CADM2: variants seen among roughly 807,000 people sequenced by gnomAD.
The protein encoded by CADM2 is immunoglobulin superfamily member 4D.
A neutral mutation model predicts 49.8 loss-of-function variants in CADM2; 12 were observed. That is an observed-to-expected ratio of 0.24 (90% CI 0.15 to 0.39). The LOEUF (loss-of-function observed/expected upper bound fraction) is 0.39. Among genes scored for constraint, CADM2 ranks in the 10% least tolerant of loss-of-function variants. The probability of loss-of-function intolerance (pLI) is 1.00; values close to 1 mark genes in which losing one functional copy is unlikely to be tolerated. For synonymous variants in CADM2, 214 were observed against 175.4 expected (o/e 1.22, Z -1.74); for missense variants, 378 against 492.3 (o/e 0.77, Z 2.20).
intron 1 of CADM2, among the ~76,000 whole-genome samples, chr3:85,354,960 AC>A (rs1307331208): frequency 6.6e-6 from 1 of 152,016 alleles, no homozygotes. Flanking sequence ...CTTCACGGAA[AC>A]CCATGTCCAA....
intron 1 of CADM2, among the ~76,000 whole-genome samples, chr3:85,303,073 C>G (rs2044137807): frequency 6.6e-6 from 1 of 151,856 alleles, no homozygotes; most frequent in African/African-American, 2.4e-5. Flanking sequence ...GTCTCTTATT[C>G]ATTTATGTTT....
intron 6 of CADM2, among the ~76,000 whole-genome samples, chr3:85,915,809 C>T (rs1718219713): frequency 6.6e-6 from 1 of 152,044 alleles, no homozygotes; most frequent in Non-Finnish European, 1.5e-5. Context: ...AATGGAAGAA[C>T]ATTTAGCATT....
At chr3:85,426,077 C>T (rs550823618) in intron 1 of CADM2, among the ~76,000 whole-genome samples, 1 of 152,220 alleles carries the variant, frequency 6.6e-6, no homozygotes, top group Non-Finnish European at 1.5e-5. Flanking sequence ...TCAGCTTTTT[C>T]TCAACAACCA....
chr3:85,902,370 A>AT lies in CADM2; in HGVS notation c.530-9998dup, dbSNP rs1716241978. 2.6e-5 allele frequency among the ~76,000 whole-genome samples: 4 copies of AT among 151,730 alleles called. No individual in the cohort carries two copies. In the South Asian group the frequency reaches 8.3e-4, roughly 31 times the overall value. ...TTGCTTGCTGTTTGTATCATATATT[A>AT]TTTTTCATCCTTTTATTTTCAGTCC... On this transcript the variant is annotated intron_variant, in intron 5 of 9. Transcript: ENST00000383699.
chr3:86,063,408 A>T (rs1177850332), intron 8 of CADM2, among the ~76,000 whole-genome samples: 1 of 152,180 alleles, frequency 6.6e-6, no homozygotes, highest in Non-Finnish European at 1.5e-5. Context: ...CTGGCATTAC[A>T]AGTCCCCTCT....
intron 1 of CADM2, among the ~76,000 whole-genome samples, chr3:85,295,986 T>G (rs1223806272): frequency 6.6e-6 from 1 of 151,976 alleles, no homozygotes; most frequent in South Asian, 2.1e-4. Context: ...ATAAAAATTT[T>G]TATTAAGCTT....
chr3:85,175,301 C>G (rs2040749688), intron 1 of CADM2, among the ~76,000 whole-genome samples: 1 of 152,088 alleles, frequency 6.6e-6, no homozygotes. Context: ...AAAGCTAGGA[C>G]TTTCTCAGAT....
At chr3:85,401,311 C>T (rs2107439837) in intron 1 of CADM2, among the ~76,000 whole-genome samples, 2 of 152,284 alleles carry the variant, frequency 1.3e-5, no homozygotes, top group South Asian at 4.1e-4. Flanking sequence ...GGTCACGGAT[C>T]CTCTCAGCCT....
chr3:85,508,986 T>A (rs1253477327), intron 1 of CADM2, among the ~76,000 whole-genome samples: 1 of 152,100 alleles, frequency 6.6e-6, no homozygotes, highest in Non-Finnish European at 1.5e-5. Context: ...AAGAATTCTG[T>A]GAATATATTA....
intron 1 of CADM2, among the ~76,000 whole-genome samples, chr3:85,485,023 C>T (rs978182648): frequency 4.6e-5 from 7 of 151,564 alleles, no homozygotes; most frequent in Admixed American, 3.3e-4. Context: ...AAAAAGAAAG[C>T]AAAACAATGT....
chr3:85,754,848 G>A (rs1412957436), intron 2 of CADM2, among the ~76,000 whole-genome samples: 4 of 151,992 alleles, frequency 2.6e-5, no homozygotes, highest in Non-Finnish European at 5.9e-5. Context: ...TACCACCATA[G>A]AGTATTGACA....
chr3:85,235,779 T>C (rs1428578255), intron 1 of CADM2, among the ~76,000 whole-genome samples: 1 of 152,158 alleles, frequency 6.6e-6, no homozygotes. Flanking sequence ...TAATTTTGCT[T>C]TTTTACCTCT....
Position 85,883,433 on chromosome 3 carries a change from C to T in CADM2, c.381C>T (p.Leu127=), listed in dbSNP as rs752743531. The T allele has an allele frequency of 3.1e-6, 5 of 1,613,434 alleles. No individual in the cohort carries two copies. The highest frequency in any genetic ancestry group is 1.6e-4 in the Middle Eastern group (1 of 6,080). Residue 127 remains leucine, a synonymous_variant, in exon 4 of 10, where the codon CTC becomes CTT. Transcript: ENST00000383699. ...CTGTCAAAACTTCCAAGGCATATCT[C>T]ACCGTTCTGGGTAAGTGCAAGGGAC... ...TMPVKTSKAY[L]TVLGVPEKPQ...
intron 1 of CADM2, among the ~76,000 whole-genome samples, chr3:85,081,188 G>A (rs939529094): frequency 6.6e-6 from 1 of 152,074 alleles, no homozygotes; most frequent in African/African-American, 2.4e-5. Flanking sequence ...TTAAGTTTAT[G>A]TTATAGTCAG....
At chr3:85,036,591 GT>G (rs1464609229) in intron 1 of CADM2, among the ~76,000 whole-genome samples, 1 of 152,062 alleles carries the variant, frequency 6.6e-6, no homozygotes, top group East Asian at 1.9e-4. Flanking sequence ...AATAATTGCA[GT>G]TTTTGCCATT....
intron 3 of CADM2, among the ~76,000 whole-genome samples, chr3:85,863,502 G>A (rs2075613728): frequency 6.6e-6 from 1 of 152,162 alleles, no homozygotes; most frequent in Non-Finnish European, 1.5e-5. Context: ...ACAGGAGTGG[G>A]TTAATTACTG....
At position 85,215,913 on chromosome 3, in the gene CADM2, C is replaced by T. The variant is rs998951085; in HGVS notation, c.61+256245C>T. On this transcript the variant is annotated intron_variant, in intron 1 of 9. Transcript: ENST00000383699. Reference sequence around the variant, plus strand: ...TCTCCCTCCCACAAGCACACAGGTTCTCTCCCCACACCATGCAGACGCTGC... The same window carrying T: ...TCTCCCTCCCACAAGCACACAGGTTTTCTCCCCACACCATGCAGACGCTGC... 2.6e-5 allele frequency among the ~76,000 whole-genome samples: 4 copies of T among 152,102 alleles called. No individual in the cohort carries two copies. In the East Asian group the frequency reaches 7.7e-4, roughly 29 times the overall value.
At chr3:85,747,081 A>G (rs1399516137) in intron 2 of CADM2, among the ~76,000 whole-genome samples, 2 of 152,100 alleles carry the variant, frequency 1.3e-5, no homozygotes, top group South Asian at 2.1e-4. Flanking sequence ...ATGTAATAAT[A>G]TTTCAAAAAT....
chr3:85,895,572 A>G (rs905338689), intron 5 of CADM2, among the ~76,000 whole-genome samples: 8 of 152,286 alleles, frequency 5.3e-5, no homozygotes. Context: ...TTGGGAAGGC[A>G]TGATTGGTTT....
Sources: gnomAD v4.1 joint callset for allele counts (sites outside exome capture counted in the v4.1 genomes callset) on GRCh38, gnomAD v4.1.1 for gene constraint, MANE v1.5 for transcripts, NCBI Gene and HGNC (gene_info 2026-07-23, HGNC 2026-07-21) for gene names.